STYK1: variants seen among roughly 807,000 people sequenced by gnomAD.
The protein encoded by STYK1 is tyrosine-protein kinase STYK1.
In STYK1, 46 loss-of-function variants were observed where a neutral mutation model predicts 48.1. The ratio of observed to expected loss-of-function variants is 0.96; its 90% CI spans 0.75 to 1.22. The LOEUF (loss-of-function observed/expected upper bound fraction) is 1.22, where lower values mean the gene tolerates loss of function less well. STYK1 is among the 50% of genes most tolerant of loss of function. The pLI, the probability that STYK1 is intolerant of heterozygous loss-of-function variation, is 0.00. For synonymous variants in STYK1, 188 were observed against 189.0 expected (o/e 0.99, Z 0.04); for missense variants, 527 against 521.1 (o/e 1.01, Z -0.11).
Position 10,624,742 on chromosome 12 carries a change from GGGTGTAAACTTCATAAGCCA to G in STYK1, c.815_834del (p.Leu272ProfsTer26). The G allele has an allele frequency of 1.2e-6, 2 of 1,614,096 alleles. No individual in the cohort carries two copies. Among genetic ancestry groups the G allele is most frequent in the Non-Finnish European group, 1.7e-6 (2 of 1,180,012 alleles). ...GTTTGAGTAGAGGAGATGGCCCCTC[GGGTGTAAACTTCATAAGCCA>G]GGCCTAATCCACAGAGCTTAGCAGT... is the stretch of plus-strand genomic sequence containing the variant. On this transcript the variant is annotated frameshift_variant, in exon 8 of 11. Transcript: ENST00000075503. LOFTEE classifies it high-confidence loss of function.
At chr12:10,621,616 T>G (rs1229553294) in intron 10 of STYK1, among the ~76,000 whole-genome samples, 1 of 152,064 alleles carries the variant, frequency 6.6e-6, no homozygotes, top group Non-Finnish European at 1.5e-5. Context: ...ATTCCTGATA[T>G]AGTTCTCAGC....
chr12:10,629,679 A>G lies in STYK1; in HGVS notation c.452-5T>C. On this transcript the variant is annotated splice_region_variant and splice_polypyrimidine_tract_variant and intron_variant, in intron 5 of 10. Transcript: ENST00000075503. The stretch of plus-strand genomic sequence containing the variant: ...CCTCATGGAGCCCAGCTGGTTCTGT[A>G]GAGGACGAAAGATCCAGGCAGTGAG... 6.2e-7 allele frequency: 1 copy of G among 1,614,132 alleles called. No individual in the cohort carries two copies. The highest frequency in any genetic ancestry group is 8.5e-7 in the Non-Finnish European group (1 of 1,179,998).
At chr12:10,660,740 T>C (rs1591702568) in intron 1 of STYK1, among the ~76,000 whole-genome samples, 1 of 152,286 alleles carries the variant, frequency 6.6e-6, no homozygotes, top group African/African-American at 2.4e-5. Flanking sequence ...AATTATAATG[T>C]ATTAGCGTGC....
At chr12:10,622,420 G>A (rs1865922302) in intron 9 of STYK1, among the ~76,000 whole-genome samples, 2 of 152,146 alleles carry the variant, frequency 1.3e-5, no homozygotes, top group African/African-American at 4.8e-5. Flanking sequence ...GAGAGCAAAA[G>A]AAAGGTAAAA....
intron 2 of STYK1, 132 bp from the exon 3 acceptor site, chr12:10,634,818 CTCTA>C (rs1162729133): frequency 6.8e-6 from 4 of 589,658 alleles, no homozygotes; most frequent in Non-Finnish European, 1.2e-5. Flanking sequence ...ATCCGTTTAT[CTCTA>C]TCTACCTAGC....
At chr12:10,628,278 C>A (rs1172627437) in intron 6 of STYK1, among the ~76,000 whole-genome samples, 1 of 152,092 alleles carries the variant, frequency 6.6e-6, no homozygotes, top group Non-Finnish European at 1.5e-5. Context: ...GCTAAGAGAG[C>A]ATATGATGGT....
chr12:10,625,209 TG>T (rs1268431697), intron 7 of STYK1, among the ~76,000 whole-genome samples: 6 of 29,796 alleles, frequency 2.0e-4, no homozygotes, highest in South Asian at 1.6e-3. Context: ...TTTCTTTTTT[TG>T]TTTGTTTGTT....
rs55877878 is a variant in STYK1, at chr12:10,627,648, A to G, written c.710T>C (p.Leu237Ser). 42 of 1,613,076 alleles carry G rather than the reference A, an allele frequency of 2.6e-5. No homozygotes were observed. The East Asian group carries it at 8.3e-4, about 32-fold the overall frequency. ...CATGTTGCCTCATCTTACCAGCGCC[A>G]AAAGGACCTGCTTTCCGATGTGATA... ...QVYHIGKQVL[L>S]ALEFLQEKHL... Residue 237 changes from leucine to serine, a missense_variant, in exon 7 of 11, where the codon TTG becomes TCG. By Grantham distance (145) the Leu-to-Ser change is moderately radical. Transcript: ENST00000075503.
At chr12:10,636,695 G>T (rs1424311644) in intron 2 of STYK1, among the ~76,000 whole-genome samples, 1 of 152,116 alleles carries the variant, frequency 6.6e-6, no homozygotes, top group South Asian at 2.1e-4. Flanking sequence ...CCTTTCCTTT[G>T]CCTCCTTTTT....
chr12:10,629,410 C>T, intron 6 of STYK1, 83 bp downstream of exon 6: 1 of 1,419,424 alleles, frequency 7.0e-7, no homozygotes, highest in Non-Finnish European at 9.8e-7. Context: ...TGCATTTTGT[C>T]ATTTGTCACA....
intron 1 of STYK1, among the ~76,000 whole-genome samples, chr12:10,664,153 A>G (rs569018850): frequency 1.3e-5 from 2 of 152,266 alleles, no homozygotes; most frequent in South Asian, 4.2e-4. Context: ...TCATACCTGG[A>G]TAAGTAGACA....
At chr12:10,667,454 C>G (rs1005560238) in intron 1 of STYK1, 6 of 150,728 alleles carry the variant, frequency 4.0e-5, no homozygotes, top group Non-Finnish European at 7.4e-5. Flanking sequence ...AAGACCCTGT[C>G]TCTTAAAAAA....
At chr12:10,661,810 T>A (rs1396278382) in intron 1 of STYK1, among the ~76,000 whole-genome samples, 2 of 151,608 alleles carry the variant, frequency 1.3e-5, no homozygotes, top group East Asian at 3.9e-4. Flanking sequence ...AAACTAGTAT[T>A]TTTTTGCAAA....
intron 8 of STYK1, among the ~76,000 whole-genome samples, chr12:10,624,127 A>G (rs567252726): frequency 6.6e-6 from 1 of 152,010 alleles, no homozygotes; most frequent in South Asian, 2.1e-4. Context: ...CTAATACAGA[A>G]GAAATACTTG....
At chr12:10,655,354 G>C (rs1005719865) in intron 1 of STYK1, among the ~76,000 whole-genome samples, 1 of 152,198 alleles carries the variant, frequency 6.6e-6, no homozygotes, top group African/African-American at 2.4e-5. Context: ...GACAAAGTTA[G>C]CTCTAAAAAT....
chr12:10,666,403 G>A (rs1947833997), intron 1 of STYK1, among the ~76,000 whole-genome samples: 1 of 152,112 alleles, frequency 6.6e-6, no homozygotes, highest in Non-Finnish European at 1.5e-5. Context: ...ACATAATACT[G>A]TCTCCTAAAG....
intron 1 of STYK1, among the ~76,000 whole-genome samples, chr12:10,640,317 T>G (rs1009257096): frequency 2.6e-5 from 4 of 152,092 alleles, no homozygotes; most frequent in Non-Finnish European, 4.4e-5. Flanking sequence ...AACAAACCAG[T>G]GAGAGGACAC....
intron 1 of STYK1, among the ~76,000 whole-genome samples, chr12:10,652,656 A>G (rs1351705616): frequency 6.6e-6 from 1 of 152,184 alleles, no homozygotes; most frequent in Non-Finnish European, 1.5e-5. Context: ...TTTCAAGCCA[A>G]CTTTACTCAA....
chr12:10,633,481 A>T (rs2120654982), intron 4 of STYK1, among the ~76,000 whole-genome samples: 2 of 152,256 alleles, frequency 1.3e-5, no homozygotes, highest in East Asian at 3.9e-4. Flanking sequence ...TTCATCTGTG[A>T]ATTGATTCCC....
Sources: allele counts gnomAD v4.1 joint callset (sites outside exome capture counted in the v4.1 genomes callset), GRCh38; gene constraint gnomAD v4.1.1; transcripts MANE v1.5; gene names NCBI Gene and HGNC (gene_info 2026-07-23, HGNC 2026-07-21).